ALK: variants seen among roughly 807,000 people sequenced by gnomAD.
The protein encoded by ALK is ALK tyrosine kinase receptor.
A neutral mutation model predicts 163.1 loss-of-function variants in ALK; 74 were observed. The observed-to-expected ratio is 0.45, with a 90% CI of 0.38 to 0.55. ALK has a LOEUF of 0.55. Ranked by LOEUF, ALK falls within the 20% of genes least tolerant of loss-of-function variation. ALK has a pLI of 0.00. For missense variants in ALK, 2,063 were observed against 2,105.3 expected, an observed-to-expected ratio of 0.98 and a Z score of 0.39; for synonymous variants, 960 against 843.2, an observed-to-expected ratio of 1.14 and a Z score of -2.40.
At chr2:29,208,521 G>A (rs565813377) in intron 25 of ALK, among the ~76,000 whole-genome samples, 4 of 152,342 alleles carry the variant, frequency 2.6e-5, no homozygotes, top group African/African-American at 9.6e-5. Flanking sequence ...GTTAGAAGGC[G>A]AAGTGGAGCA....
intron 1 of ALK, among the ~76,000 whole-genome samples, chr2:29,895,171 G>A (rs998211192): frequency 5.9e-5 from 9 of 152,076 alleles, no homozygotes; most frequent in Non-Finnish European, 1.0e-4. Flanking sequence ...TACACACAAG[G>A]GCCGCTGGTT....
intron 3 of ALK, among the ~76,000 whole-genome samples, chr2:29,555,264 AT>A (rs1179267079): frequency 2.6e-5 from 4 of 151,842 alleles, no homozygotes; most frequent in Non-Finnish European, 5.9e-5. Flanking sequence ...AGTCCCCACA[AT>A]TTCCTAATGT....
rs1205953427 is a variant in ALK, at chr2:29,404,262, C to G, written c.1155-20403G>C. 2.0e-5 allele frequency among the ~76,000 whole-genome samples: 3 copies of G among 149,626 alleles called. No individual in the cohort carries two copies. The East Asian group carries it at 5.9e-4, about 30-fold the overall frequency. The stretch of plus-strand genomic sequence containing the variant: ...GAGGTTGCAGTGAGCCCAGATCATG[C>G]CACTGAACTCCAGCCTGCGTGACCC... On this transcript the variant is annotated intron_variant, in intron 4 of 28. Coordinates refer to ENST00000389048, the MANE Select transcript of ALK (RefSeq NM_004304.5).
At chr2:29,879,407 A>G (rs1435888119) in intron 1 of ALK, among the ~76,000 whole-genome samples, 1 of 152,240 alleles carries the variant, frequency 6.6e-6, no homozygotes, top group African/African-American at 2.4e-5. Flanking sequence ...AAAAGTGTCA[A>G]CTGAACTAAC....
intron 3 of ALK, among the ~76,000 whole-genome samples, chr2:29,595,293 T>C (rs1198427525): frequency 6.6e-6 from 1 of 152,026 alleles, no homozygotes; most frequent in African/African-American, 2.4e-5. Context: ...CAGTGGTTTC[T>C]TCACTGAGAT....
At chr2:29,604,376 G>A (rs1573492851) in intron 3 of ALK, among the ~76,000 whole-genome samples, 1 of 152,214 alleles carries the variant, frequency 6.6e-6, no homozygotes, top group South Asian at 2.1e-4. Context: ...AAGAAGCAGA[G>A]AAGGGCCATG....
chr2:29,250,962 C>T, intron 12 of ALK, 143 bp downstream of exon 12: 1 of 765,808 alleles, frequency 1.3e-6, no homozygotes, highest in South Asian at 1.9e-5. Flanking sequence ...CATCTCCAAC[C>T]TTTATACCCC....
intron 19 of ALK, among the ~76,000 whole-genome samples, chr2:29,224,152 C>T (rs1663851181): frequency 1.3e-5 from 2 of 152,198 alleles, no homozygotes; most frequent in African/African-American, 4.8e-5. Context: ...TTTGAGGGTG[C>T]AGCTGGGATC....
At chr2:29,521,929 TAA>T (rs1558365072) in intron 4 of ALK, among the ~76,000 whole-genome samples, 1 of 152,206 alleles carries the variant, frequency 6.6e-6, no homozygotes, top group Non-Finnish European at 1.5e-5. Context: ...GTGCCAGACA[TAA>T]GTCTCAGGAC....
rs1285106943 is a variant in ALK, at chr2:29,312,250, G to C, written c.1647+6054C>G. 2.0e-5 allele frequency among the ~76,000 whole-genome samples: 3 copies of C among 152,122 alleles called. No individual in the cohort carries two copies. In the East Asian group the frequency reaches 5.8e-4, roughly 29 times the overall value. ...TACAACAGAGTAGCAGAAACCACAG[G>C]TTCCATTTTTAAGCACCTAATTGTG... On this transcript the variant is annotated intron_variant, in intron 8 of 28. Transcript: ENST00000389048.
At position 29,920,037 on chromosome 2, in the gene ALK, A is replaced by G. The variant is rs372226787; in HGVS notation, c.623T>C (p.Ile208Thr). 3.1e-6 allele frequency: 5 copies of G among 1,614,012 alleles called. No homozygotes were observed. The highest frequency in any genetic ancestry group is 4.2e-6 in the Non-Finnish European group (5 of 1,180,040). Residue 208 changes from isoleucine (I) to threonine (T), a missense_variant, in exon 1 of 29, where the codon ATT (isoleucine) becomes ACT (threonine). By Grantham distance (89) the Ile-to-Thr change is moderately conservative. Around this residue, in one of 5 missense-constraint regions of ALK, gnomAD observed 987 missense variants for 939.5 expected, o/e 1.05. Coordinates refer to ENST00000389048, the MANE Select transcript of ALK (RefSeq NM_004304.5). ...GAGAAGGCGGGGCTGGGAGGCGCGA[A>G]TTGCCGCGGACAGCCTTCCCTCTCT... is the stretch of plus-strand genomic sequence containing the variant. ...VGREGRLSAA[I>T]RASQPRLLFQ...
At chr2:29,530,733 G>A (rs1407110945) in intron 4 of ALK, among the ~76,000 whole-genome samples, 1 of 152,224 alleles carries the variant, frequency 6.6e-6, no homozygotes, top group Non-Finnish European at 1.5e-5. Flanking sequence ...ACAAGGGGCA[G>A]CCCAGACACC....
At chr2:29,380,724 G>A (rs145723584) in intron 5 of ALK, among the ~76,000 whole-genome samples, 1 of 152,042 alleles carries the variant, frequency 6.6e-6, no homozygotes, top group Non-Finnish European at 1.5e-5. Context: ...ATTAGCCACC[G>A]TGCCTGGCCC....
At chr2:29,846,016 T>A (rs1416175403) in intron 1 of ALK, among the ~76,000 whole-genome samples, 1 of 152,214 alleles carries the variant, frequency 6.6e-6, no homozygotes, top group African/African-American at 2.4e-5. Flanking sequence ...TATCATATAG[T>A]GCTATAGTGT....
chr2:29,687,343 G>A (rs1487234886), intron 3 of ALK, among the ~76,000 whole-genome samples: 2 of 151,920 alleles, frequency 1.3e-5, no homozygotes, highest in Non-Finnish European at 1.5e-5. Context: ...AGCTGCCAAT[G>A]TGCTGTCCCT....
chr2:29,745,310 C>T (rs1680181579), intron 1 of ALK, among the ~76,000 whole-genome samples: 2 of 152,182 alleles, frequency 1.3e-5, no homozygotes, highest in Non-Finnish European at 2.9e-5. Flanking sequence ...TGAAGGCTCA[C>T]TCTCTTTTCA....
At chr2:29,831,238 A>AGAG (rs1285217456) in intron 1 of ALK, among the ~76,000 whole-genome samples, 1 of 83,104 alleles carries the variant, frequency 1.2e-5, no homozygotes. Flanking sequence ...AAGAAGAGGA[A>AGAG]GAAGAAGAGG....
intron 1 of ALK, among the ~76,000 whole-genome samples, chr2:29,903,326 C>G (rs1312653096): frequency 5.3e-5 from 8 of 152,116 alleles, no homozygotes; most frequent in African/African-American, 1.9e-4. Flanking sequence ...ATAGAAAGAA[C>G]TTGCTCAGAT....
intron 11 of ALK, among the ~76,000 whole-genome samples, chr2:29,272,185 G>GGAGAGA (rs57649688): frequency 6.1e-4 from 89 of 145,234 alleles, no homozygotes; most frequent in Middle Eastern, 3.6e-3. Flanking sequence ...GTCGGGTGAG[G>GGAGAGA]GAGAGAGAGA....
Sources: gnomAD v4.1 joint callset for allele counts (sites outside exome capture counted in the v4.1 genomes callset) on GRCh38, gnomAD v4.1.1 for gene constraint, gnomAD v4.1.1 regional missense constraint, MANE v1.5 for transcripts, NCBI Gene and HGNC (gene_info 2026-07-23, HGNC 2026-07-21) for gene names.